SLC35D4: variants seen among roughly 807,000 people sequenced by gnomAD.
The protein encoded by SLC35D4 is UDP-N-acetylglucosamine transporter SLC35D4.
the SLC35D4 span, among the ~76,000 whole-genome samples, chr18:23,421,140 A>C: frequency 6.6e-6 from 1 of 152,094 alleles, no homozygotes; most frequent in Non-Finnish European, 1.5e-5. Context: ...GCTACTTAGG[A>C]GGCTGAGGCA....
the SLC35D4 span, among the ~76,000 whole-genome samples, chr18:23,405,435 C>T: frequency 1.1e-3 from 163 of 152,332 alleles, no homozygotes; most frequent in Admixed American, 3.6e-3. Context: ...AGTGATCCAC[C>T]TGCCTTGGCC....
At chr18:23,348,155 T>A in the SLC35D4 span, among the ~76,000 whole-genome samples, 1 of 152,258 alleles carries the variant, frequency 6.6e-6, no homozygotes, top group Non-Finnish European at 1.5e-5. Context: ...GATTTTTTTC[T>A]ATTGTGAATT....
the SLC35D4 span, chr18:23,377,745 A>G: frequency 7.6e-7 from 1 of 1,317,366 alleles, no homozygotes; most frequent in Non-Finnish European, 1.0e-6. Flanking sequence ...AAACATTTTG[A>G]TCAAGAGGCA....
the SLC35D4 span, among the ~76,000 whole-genome samples, chr18:23,382,621 T>C: frequency 2.0e-5 from 3 of 152,198 alleles, no homozygotes; most frequent in Non-Finnish European, 4.4e-5. Context: ...CTACTGTAGA[T>C]ATTCAATTAA....
At chr18:23,266,418 A>AC in the SLC35D4 span, among the ~76,000 whole-genome samples, 1 of 152,292 alleles carries the variant, frequency 6.6e-6, no homozygotes, top group African/African-American at 2.4e-5. Context: ...AAAAAAAAAA[A>AC]AAAAACAAAT....
chr18:23,305,519 G>A, the SLC35D4 span, among the ~76,000 whole-genome samples: 3 of 152,120 alleles, frequency 2.0e-5, no homozygotes, highest in African/African-American at 7.2e-5. Flanking sequence ...TTTAAAATAT[G>A]GATGACTTGG....
the SLC35D4 span, among the ~76,000 whole-genome samples, chr18:23,249,260 A>T: frequency 6.6e-6 from 1 of 152,254 alleles, no homozygotes; most frequent in Non-Finnish European, 1.5e-5. Flanking sequence ...TTAGCTTTCC[A>T]GCCTCCGTAG....
At chr18:23,374,852 T>A in the SLC35D4 span, among the ~76,000 whole-genome samples, 2 of 152,070 alleles carry the variant, frequency 1.3e-5, no homozygotes, top group Non-Finnish European at 2.9e-5. Context: ...TGGTGGCTCA[T>A]ACCTGTAATC....
At chr18:23,331,512 C>T in the SLC35D4 span, 1 of 152,262 alleles carries the variant, frequency 6.6e-6, no homozygotes, top group Non-Finnish European at 1.5e-5. Flanking sequence ...GCAGGTTCAG[C>T]ACGTTGGGCT....
At chr18:23,378,199 C>CT in the SLC35D4 span, among the ~76,000 whole-genome samples, 293 of 141,936 alleles carry the variant, frequency 2.1e-3, 3 homozygotes, top group South Asian at 5.4e-3. Context: ...TTCTTTCTTT[C>CT]TTTTTTTTTT....
At chr18:23,414,456 T>G in the SLC35D4 span, among the ~76,000 whole-genome samples, 1 of 148,296 alleles carries the variant, frequency 6.7e-6, no homozygotes, top group Non-Finnish European at 1.5e-5. Context: ...GTGGATCACC[T>G]GAGGTCAGGA....
chr18:23,423,374 C>T, the SLC35D4 span, among the ~76,000 whole-genome samples: 1 of 152,370 alleles, frequency 6.6e-6, no homozygotes, highest in Middle Eastern at 3.4e-3. Flanking sequence ...GATTCTCAAC[C>T]AGGCAATCTT....
At chr18:23,246,686 C>G in the SLC35D4 span, among the ~76,000 whole-genome samples, 1 of 151,608 alleles carries the variant, frequency 6.6e-6, no homozygotes, top group East Asian at 1.9e-4. Context: ...CCACCGCACC[C>G]GGCCAGTTTT....
At chr18:23,323,032 C>T in the SLC35D4 span, among the ~76,000 whole-genome samples, 1 of 152,214 alleles carries the variant, frequency 6.6e-6, no homozygotes, top group East Asian at 1.9e-4. Context: ...TTCTACTAGT[C>T]TCCCAAGTTA....
At chr18:23,274,720 G>A in the SLC35D4 span, among the ~76,000 whole-genome samples, 3 of 152,276 alleles carry the variant, frequency 2.0e-5, no homozygotes, top group African/African-American at 7.2e-5. Flanking sequence ...TGCACGCAAG[G>A]GCCAGGGCAG....
the SLC35D4 span, among the ~76,000 whole-genome samples, chr18:23,371,940 T>TTTTTTTTTTTG: frequency 4.5e-4 from 11 of 24,590 alleles, 1 homozygote; most frequent in East Asian, 6.3e-3. Context: ...TTTTTGTTTT[T>TTTTTTTTTTTG]TTTTTTTTTT....
chr18:23,273,084 C>A, the SLC35D4 span, among the ~76,000 whole-genome samples: 1 of 152,138 alleles, frequency 6.6e-6, no homozygotes, highest in Non-Finnish European at 1.5e-5. Context: ...GGGAGGAGAG[C>A]CAGCTTAGAC....
the SLC35D4 span, among the ~76,000 whole-genome samples, chr18:23,316,093 C>G: frequency 6.6e-6 from 1 of 152,224 alleles, no homozygotes; most frequent in Non-Finnish European, 1.5e-5. Context: ...GATATGCATA[C>G]ACGTTAACAT....
At chr18:23,421,131 C>G in the SLC35D4 span, among the ~76,000 whole-genome samples, 1 of 152,024 alleles carries the variant, frequency 6.6e-6, no homozygotes, top group Non-Finnish European at 1.5e-5. Flanking sequence ...GTAATCCCAG[C>G]TACTTAGGAG....
Sources: allele counts gnomAD v4.1 joint callset (sites outside exome capture counted in the v4.1 genomes callset), GRCh38; gene constraint gnomAD v4.1.1; transcripts MANE v1.5; gene names NCBI Gene and HGNC (gene_info 2026-07-23, HGNC 2026-07-21).